Variants in PCDH7 observed in about 807,000 individuals in gnomAD.
PCDH7 encodes protocadherin 7.
PCDH7 carries 17 observed loss-of-function variants against 58.9 expected under a neutral mutation model. The ratio of observed to expected loss-of-function variants is 0.29; its 90% CI spans 0.20 to 0.43. PCDH7 has a LOEUF of 0.43. PCDH7 is among the 20% of genes least tolerant of loss of function. The pLI, the probability that PCDH7 is intolerant of heterozygous loss-of-function variation, is 1.00. For missense variants in PCDH7, 1,274 were observed against 1,441.0 expected (o/e 0.88, Z 1.88); for synonymous variants, 664 against 616.4 (o/e 1.08, Z -1.14).
intron 2 of PCDH7, among the ~76,000 whole-genome samples, chr4:30,947,774 G>A (rs1242427546): frequency 6.6e-6 from 1 of 152,104 alleles, no homozygotes; most frequent in East Asian, 1.9e-4. Context: ...TCATTCTGCA[G>A]TGGTAGAGAA....
chr4:30,729,898 G>A lies in PCDH7; in HGVS notation c.3175-855G>A, dbSNP rs963920860. 1.2e-4 allele frequency among the ~76,000 whole-genome samples: 18 copies of A among 151,772 alleles called. 1 individual carries two copies. On this transcript the variant is annotated intron_variant, in intron 1 of 1. Transcript: ENST00000361762. ...TTGTTAGGCAGTTAACCAATCTAGT[G>A]TACTAGATTCTAAATTTGCACAGTG...
intron 1 of PCDH7, among the ~76,000 whole-genome samples, chr4:30,794,524 TCA>T (rs1724541765): frequency 6.6e-6 from 1 of 152,198 alleles, no homozygotes; most frequent in South Asian, 2.1e-4. Context: ...GTTACATAAT[TCA>T]CAGATAATTC....
chr4:31,135,101 T>C (rs1432200323), intron 3 of PCDH7, among the ~76,000 whole-genome samples: 1 of 152,192 alleles, frequency 6.6e-6, no homozygotes, highest in African/African-American at 2.4e-5. Context: ...ATTTTTGATG[T>C]ATGGTGCATT....
intron 3 of PCDH7, among the ~76,000 whole-genome samples, chr4:30,989,496 G>A (rs551906534): frequency 9.2e-5 from 14 of 152,114 alleles, no homozygotes; most frequent in African/African-American, 3.4e-4. Flanking sequence ...TCTGTAATTT[G>A]CATTATGCCT....
chr4:30,724,171 AAAGATCACG>A, exon 1 of PCDH7: 1 of 1,614,088 alleles, frequency 6.2e-7, no homozygotes, highest in Non-Finnish European at 8.5e-7. Context: ...AGCCGGCAAA[AAAGATCACG>A]AAGACTTTTT....
chr4:31,092,826 C>T (rs1713434533), intron 3 of PCDH7, among the ~76,000 whole-genome samples: 1 of 152,046 alleles, frequency 6.6e-6, no homozygotes, highest in Non-Finnish European at 1.5e-5. Flanking sequence ...GCAATCACCA[C>T]TTTATGCTTA....
chr4:30,925,605 G>A (rs1743761974), intron 2 of PCDH7: 1 of 152,134 alleles, frequency 6.6e-6, no homozygotes, highest in South Asian at 2.1e-4. Context: ...TGCCACCCTA[G>A]TTGCCAGTGT....
At chr4:31,020,092 C>T (rs1258584384) in intron 3 of PCDH7, among the ~76,000 whole-genome samples, 1 of 152,164 alleles carries the variant, frequency 6.6e-6, no homozygotes, top group South Asian at 2.1e-4. Context: ...GACCCCTAGT[C>T]CCATTGATCC....
At chr4:30,760,125 A>G (rs975986311) in intron 1 of PCDH7, among the ~76,000 whole-genome samples, 2 of 152,138 alleles carry the variant, frequency 1.3e-5, no homozygotes, top group Non-Finnish European at 1.5e-5. Context: ...CTGCTTCTCA[A>G]GGTTAGTATC....
chr4:31,039,668 A>T lies in PCDH7; in HGVS notation c.*7+89453A>T, dbSNP rs1051642862. ...CTGATCTCTGGAACAATATAAGAGAATTCCTTGACTCTACACATTCTAACT... is the reference window on the plus strand; with the variant it reads ...CTGATCTCTGGAACAATATAAGAGATTTCCTTGACTCTACACATTCTAACT... On this transcript the variant is annotated intron_variant, in intron 3 of 3. Coordinates refer to the PCDH7 transcript ENST00000509759. Among the ~76,000 whole-genome samples, 6 of 152,280 alleles carry T rather than the reference A, an allele frequency of 3.9e-5. No individual in the cohort carries two copies. In the East Asian group the frequency reaches 1.2e-3, roughly 29 times the overall value.
At chr4:30,920,414 C>A (rs1743044542) in intron 2 of PCDH7, 45 bp downstream of exon 2, 2 of 1,299,076 alleles carry the variant, frequency 1.5e-6, no homozygotes, top group Non-Finnish European at 2.1e-6. Context: ...CGCTAGTGAG[C>A]CGTAATAAGT....
Position 30,778,934 on chromosome 4 carries a change from G to A in PCDH7, c.70+54338G>A, listed in dbSNP as rs116731441. ...TTGAACATGTCCTGTCACATCTCTGGGTTTCAGCATTATCACTAGTAAAGT... is the reference window on the plus strand; with the variant it reads ...TTGAACATGTCCTGTCACATCTCTGAGTTTCAGCATTATCACTAGTAAAGT... On this transcript the variant is annotated intron_variant, in intron 1 of 3. Coordinates refer to the PCDH7 transcript ENST00000509759. Among the ~76,000 whole-genome samples, 694 of 149,382 alleles carry A rather than the reference G, an allele frequency of 4.6e-3. 5 individuals are homozygous for A. The highest frequency in any genetic ancestry group is 0.016 in the African/African-American group (656 of 40,452).
At chr4:30,797,944 C>T (rs563014628) in intron 1 of PCDH7, among the ~76,000 whole-genome samples, 6 of 152,246 alleles carry the variant, frequency 3.9e-5, no homozygotes, top group East Asian at 3.9e-4. Context: ...TCACGAATCA[C>T]GTGAATCTGT....
intron 1 of PCDH7, among the ~76,000 whole-genome samples, chr4:30,821,328 T>G (rs1728347614): frequency 6.6e-6 from 1 of 152,210 alleles, no homozygotes; most frequent in Non-Finnish European, 1.5e-5. Flanking sequence ...TTTATCCACT[T>G]TCTTGAACTT....
At chr4:30,727,589 G>A (rs1560305652) in intron 1 of PCDH7, among the ~76,000 whole-genome samples, 1 of 151,908 alleles carries the variant, frequency 6.6e-6, no homozygotes, top group African/African-American at 2.4e-5. Context: ...GTGTTTAGCT[G>A]AGCAAAATGT....
In PCDH7 at chr4:30,723,650, C is replaced by T. The variant is rs36037995; in HGVS notation, c.2228C>T (p.Thr743Ile). Reference sequence around the variant, plus strand: ...GAAAATGACAATGCTCCCACAGTTACCCTTCCCAAAAACATTTCCTACACT... The same window carrying T: ...GAAAATGACAATGCTCCCACAGTTATCCTTCCCAAAAACATTTCCTACACT... Residue 743 changes from threonine to isoleucine, a missense_variant, in exon 1 of 2, where the codon ACC becomes ATC. This residue lies in a region of PCDH7 where 731 missense variants were observed against 881.9 expected (regional missense o/e 0.83). Coordinates refer to ENST00000361762, the Ensembl canonical transcript of PCDH7. The surrounding 1 kb of genome is among the most constrained non-coding windows in gnomAD (Gnocchi z 4.6). 7,724 of 1,614,140 alleles carry T rather than the reference C, an allele frequency of 4.8e-3. 40 individuals carry two copies. The highest frequency in any genetic ancestry group is 0.016 in the Middle Eastern group (96 of 6,062).
At chr4:30,942,350 T>C (rs1447587199) in intron 2 of PCDH7, among the ~76,000 whole-genome samples, 2 of 152,024 alleles carry the variant, frequency 1.3e-5, no homozygotes, top group African/African-American at 2.4e-5. Flanking sequence ...AGAAATTCAA[T>C]TTGCGAATCC....
chr4:30,797,312 A>G (rs1724919457), intron 1 of PCDH7, among the ~76,000 whole-genome samples: 1 of 146,222 alleles, frequency 6.8e-6, no homozygotes, highest in African/African-American at 2.6e-5. Flanking sequence ...TTGCTCTGTC[A>G]CCCAGGCTGG....
At chr4:30,802,030 G>T (rs565553701) in intron 1 of PCDH7, among the ~76,000 whole-genome samples, 6 of 152,282 alleles carry the variant, frequency 3.9e-5, no homozygotes, top group Non-Finnish European at 8.8e-5. Context: ...TCAAGGGAAA[G>T]CAGGGTGTCC....
Sources: allele counts gnomAD v4.1 joint callset (sites outside exome capture counted in the v4.1 genomes callset), GRCh38; gene constraint gnomAD v4.1.1; regional missense constraint gnomAD v4.1.1; non-coding constraint Gnocchi (gnomAD v3.1); transcripts MANE v1.5; gene names NCBI Gene and HGNC (gene_info 2026-07-23, HGNC 2026-07-21).